Variants in SLC9A9 observed in about 807,000 individuals in gnomAD.
SLC9A9 encodes sodium/hydrogen exchanger 9.
A neutral mutation model predicts 77.8 loss-of-function variants in SLC9A9; 62 were observed. That is an observed-to-expected ratio of 0.80 (90% CI 0.65 to 0.98). The LOEUF (loss-of-function observed/expected upper bound fraction) is 0.98, where lower values mean the gene tolerates loss of function less well. Among genes scored for constraint, SLC9A9 ranks in the 50% least tolerant of loss-of-function variants. The pLI is 0.00. For missense variants in SLC9A9, 775 were observed against 774.9 expected, an observed-to-expected ratio of 1.00 and a Z score of 0.00; for synonymous variants, 320 against 283.5, an observed-to-expected ratio of 1.13 and a Z score of -1.29.
At position 143,692,009 on chromosome 3, in the gene SLC9A9, C is replaced by A. The variant is rs907767753; in HGVS notation, c.649+1183G>T. On this transcript the variant is annotated intron_variant, in intron 5 of 15. Coordinates refer to ENST00000316549, the MANE Select transcript of SLC9A9 (RefSeq NM_173653.4). ...TCTGGAGGTGATGAAATAGAAGGGTCCCAGCACCACCTTTAAAGTAATCAT... is the reference window on the plus strand; with the variant it reads ...TCTGGAGGTGATGAAATAGAAGGGTACCAGCACCACCTTTAAAGTAATCAT... Among the ~76,000 whole-genome samples the A allele has an allele frequency of 1.3e-5, 2 of 152,002 alleles. 1 individual carries two copies. The highest frequency in any genetic ancestry group is 2.9e-5 in the Non-Finnish European group (2 of 67,982).
chr3:143,503,356 A>C, intron 9 of SLC9A9: 2 of 308,768 alleles, frequency 6.5e-6, no homozygotes, highest in Non-Finnish European at 1.3e-5. Context: ...TGAGCTTAAC[A>C]AAGTGGTCAT....
intron 4 of SLC9A9, among the ~76,000 whole-genome samples, chr3:143,752,267 A>T (rs1296173965): frequency 1.3e-5 from 2 of 152,172 alleles, no homozygotes; most frequent in Non-Finnish European, 2.9e-5. Flanking sequence ...ATGGAAACAA[A>T]CTATTCACAG....
chr3:143,538,766 C>CTAGG (rs1464043893), intron 9 of SLC9A9, among the ~76,000 whole-genome samples: 1 of 152,172 alleles, frequency 6.6e-6, no homozygotes, highest in African/African-American at 2.4e-5. Context: ...AAGTCAAGGG[C>CTAGG]TAGGGTATGA....
At position 143,268,984 on chromosome 3, in the gene SLC9A9, G is replaced by C; in HGVS notation, c.1605-4C>G. On this transcript the variant is annotated splice_polypyrimidine_tract_variant and splice_region_variant and intron_variant, in intron 14 of 15. Coordinates refer to ENST00000316549, the MANE Select transcript of SLC9A9 (RefSeq NM_173653.4). The stretch of plus-strand genomic sequence containing the variant: ...GGTTAAAATTGGTTTCAGATACCTG[G>C]GAGGCCTGTTAAGGAATACTTGTCA... 6.2e-7 allele frequency: 1 copy of C among 1,602,402 alleles called. No individual in the cohort carries two copies. The highest frequency in any genetic ancestry group is 8.5e-7 in the Non-Finnish European group (1 of 1,169,610).
intron 9 of SLC9A9, among the ~76,000 whole-genome samples, chr3:143,505,982 C>T (rs2036009205): frequency 6.6e-6 from 1 of 151,974 alleles, no homozygotes; most frequent in Admixed American, 6.5e-5. Context: ...GGAGTCTTCC[C>T]TTTAAAAAAA....
chr3:143,645,453 G>C (rs1302892121), intron 6 of SLC9A9, among the ~76,000 whole-genome samples: 2 of 152,146 alleles, frequency 1.3e-5, no homozygotes, highest in Non-Finnish European at 2.9e-5. Context: ...GAGATGAGTG[G>C]CTATGCCCAT....
chr3:143,589,553 A>C (rs2037613536), intron 6 of SLC9A9, among the ~76,000 whole-genome samples: 1 of 152,252 alleles, frequency 6.6e-6, no homozygotes, highest in Non-Finnish European at 1.5e-5. Context: ...TAGAAGATAT[A>C]GGTTATACCA....
intron 6 of SLC9A9, among the ~76,000 whole-genome samples, chr3:143,619,429 G>A (rs2038161033): frequency 6.6e-6 from 1 of 152,130 alleles, no homozygotes; most frequent in African/African-American, 2.4e-5. Flanking sequence ...GATGAAAATG[G>A]GATTTTCAAA....
At chr3:143,278,517 G>A (rs73868708) in intron 14 of SLC9A9, among the ~76,000 whole-genome samples, 3,158 of 152,278 alleles carry the variant, frequency 0.021, 128 homozygotes, top group African/African-American at 0.07. Flanking sequence ...CAGTTCTAGA[G>A]GCTAAATCCA....
chr3:143,276,741 T>C (rs1272742823), intron 14 of SLC9A9, among the ~76,000 whole-genome samples: 1 of 152,014 alleles, frequency 6.6e-6, no homozygotes, highest in Non-Finnish European at 1.5e-5. Context: ...TCTGAAACCA[T>C]GGTTCTTAAC....
chr3:143,744,212 G>A (rs1935149657), intron 4 of SLC9A9, among the ~76,000 whole-genome samples: 1 of 152,152 alleles, frequency 6.6e-6, no homozygotes, highest in Non-Finnish European at 1.5e-5. Context: ...TTGCTTTAAA[G>A]CCTAACTATG....
Position 143,265,512 on chromosome 3 carries a change from CTCA to C in SLC9A9, c.*1187_*1189del, listed in dbSNP as rs1265477782. On this transcript the variant is annotated 3_prime_UTR_variant, in exon 16 of 16. Coordinates refer to ENST00000316549, the MANE Select transcript of SLC9A9 (RefSeq NM_173653.4). Reference sequence around the variant, plus strand: ...ATTCCCTACCTCCTTCAAAAGCAGACTCATCATAGCCTGGGCACCTAGGCCTGG... The same window carrying C: ...ATTCCCTACCTCCTTCAAAAGCAGACTCATAGCCTGGGCACCTAGGCCTGG... 17 of 182,822 alleles carry C rather than the reference CTCA, an allele frequency of 9.3e-5. No homozygotes were observed. Among genetic ancestry groups the C allele is most frequent in the Non-Finnish European group, 1.9e-4 (17 of 88,580 alleles). 11.3% of individuals were successfully genotyped at this position (182,822 alleles called of 1,614,324 possible). A position where few individuals can be genotyped will look rare whatever the true frequency, so the allele number is the denominator to read the frequency against.
rs530697743 is a variant in SLC9A9, at chr3:143,504,081, G to A, written c.1090-8633C>T. The A allele has an allele frequency of 3.4e-5, 17 of 502,368 alleles. No homozygotes were observed. The East Asian group carries it at 4.4e-4, about 13-fold the overall frequency. 31.1% of individuals were successfully genotyped at this position (502,368 alleles called of 1,614,324 possible). A position where few individuals can be genotyped will look rare whatever the true frequency, so the allele number is the denominator to read the frequency against. ...GATTTCCACTGATGACAAGCTTCCCGTTCTCAGCCTTGATGGTACTGTGGA... is the reference window on the plus strand; with the variant it reads ...GATTTCCACTGATGACAAGCTTCCCATTCTCAGCCTTGATGGTACTGTGGA... On this transcript the variant is annotated intron_variant, in intron 9 of 15. Coordinates refer to ENST00000316549, the MANE Select transcript of SLC9A9 (RefSeq NM_173653.4).
rs141990937 is a variant in SLC9A9, at chr3:143,483,345, G to A, written c.1315+10308C>T. On this transcript the variant is annotated intron_variant, in intron 11 of 15. Coordinates refer to ENST00000316549, the MANE Select transcript of SLC9A9 (RefSeq NM_173653.4). ...GGCAGTAGGGTCATCCATGAACAAT[G>A]TGAGCTTTACTCAAAAACATTACTG... 2.9e-3 allele frequency among the ~76,000 whole-genome samples: 434 copies of A among 152,266 alleles called. 3 individuals carry two copies. The highest frequency in any genetic ancestry group is 9.6e-3 in the African/African-American group (399 of 41,556).
At chr3:143,274,094 A>C (rs1578253811) in intron 14 of SLC9A9, among the ~76,000 whole-genome samples, 1 of 152,186 alleles carries the variant, frequency 6.6e-6, no homozygotes, top group African/African-American at 2.4e-5. Flanking sequence ...TATACTTGGG[A>C]GTGGATTAAC....
chr3:143,305,703 T>G (rs2030749573), intron 14 of SLC9A9, among the ~76,000 whole-genome samples: 1 of 152,198 alleles, frequency 6.6e-6, no homozygotes, highest in African/African-American at 2.4e-5. Flanking sequence ...ATCTGTTTAA[T>G]GAAGATCAAT....
chr3:143,444,003 G>A (rs1576500477), intron 12 of SLC9A9, among the ~76,000 whole-genome samples: 1 of 152,202 alleles, frequency 6.6e-6, no homozygotes, highest in South Asian at 2.1e-4. Flanking sequence ...GTGGTGTAAT[G>A]ACTTAACATC....
intron 14 of SLC9A9, among the ~76,000 whole-genome samples, chr3:143,313,772 T>C (rs951778700): frequency 6.6e-6 from 1 of 152,334 alleles, no homozygotes; most frequent in Middle Eastern, 3.4e-3. Flanking sequence ...TCTTCCTCTC[T>C]GCCTAGATGC....
chr3:143,433,961 C>T (rs114120476), intron 12 of SLC9A9, among the ~76,000 whole-genome samples: 1,699 of 152,224 alleles, frequency 0.011, 25 homozygotes, highest in African/African-American at 0.038. Flanking sequence ...CTCTAGGGGG[C>T]GCTGTGGTTT....
Sources: gnomAD v4.1 joint callset for allele counts (sites outside exome capture counted in the v4.1 genomes callset) on GRCh38, gnomAD v4.1.1 for gene constraint, MANE v1.5 for transcripts, NCBI Gene and HGNC (gene_info 2026-07-23, HGNC 2026-07-21) for gene names.